Variants in PLEKHA6 observed in about 807,000 individuals in gnomAD.
PLEKHA6 encodes the protein pleckstrin homology domain-containing family A member 6.
A neutral mutation model predicts 116.7 loss-of-function variants in PLEKHA6; 60 were observed. That is an observed-to-expected ratio of 0.51 (90% CI 0.42 to 0.64). The LOEUF (loss-of-function observed/expected upper bound fraction) is 0.64, where lower values mean the gene tolerates loss of function less well. Ranked by LOEUF, PLEKHA6 falls within the 30% of genes least tolerant of loss-of-function variation. The pLI, the probability that PLEKHA6 is intolerant of heterozygous loss-of-function variation, is 0.00. For synonymous variants in PLEKHA6, 489 were observed against 556.1 expected (o/e 0.88, Z 1.70); for missense variants, 1,338 against 1,422.7 (o/e 0.94, Z 0.96).
In PLEKHA6 at chr1:204,257,414, C is replaced by A. The variant is rs756365799; in HGVS notation, c.1463G>T (p.Ser488Ile). The change falls in exon 9 of 23, where the codon AGT (serine) becomes ATT (isoleucine). Residue 488 changes from serine (S) to isoleucine (I), a missense_variant. Transcript: ENST00000272203. The surrounding 1 kb of genome is among the most constrained non-coding windows in gnomAD (Gnocchi z 6.5). ...SARFERLPPR[S>I]EDIYADPAAY... ...AGCAGGGTCAGCATAGATGTCCTCACTGCGAGGTGGCAGCCGCTCAAAACG... is the reference window on the plus strand; with the variant it reads ...AGCAGGGTCAGCATAGATGTCCTCAATGCGAGGTGGCAGCCGCTCAAAACG... 2 of 1,564,536 alleles carry A rather than the reference C, an allele frequency of 1.3e-6. No individual in the cohort carries two copies. The highest frequency in any genetic ancestry group is 2.7e-5 in the African/African-American group (2 of 73,908).
intron 14 of PLEKHA6, 52 bp downstream of exon 14, chr1:204,245,563 A>T: frequency 9.5e-7 from 1 of 1,055,954 alleles, no homozygotes; most frequent in Non-Finnish European, 1.5e-6. Context: ...GAAATACTGG[A>T]GCACTCCTGG....
chr1:204,243,080 G>A (rs867159592), intron 15 of PLEKHA6: 1 of 399,202 alleles, frequency 2.5e-6, no homozygotes, highest in Middle Eastern at 6.3e-4. Context: ...ATTGTCCCCT[G>A]CCCCACCCTC....
intron 17 of PLEKHA6, among the ~76,000 whole-genome samples, chr1:204,234,984 ATATATATATATATATATATATATATATAT>A (rs1558031206): frequency 0.032 from 610 of 18,930 alleles, 35 homozygotes; most frequent in African/African-American, 0.17. Flanking sequence ...ATATATATAT[ATATATATATATATATATATATATATATAT>A]CTAATAGCAG....
intron 5 of PLEKHA6, among the ~76,000 whole-genome samples, chr1:204,267,198 C>T (rs958838369): frequency 1.3e-5 from 2 of 152,200 alleles, no homozygotes; most frequent in Non-Finnish European, 2.9e-5. Flanking sequence ...AGGACTTCAC[C>T]AGCCATATGA....
chr1:204,228,464 C>G lies in PLEKHA6; in HGVS notation c.2886-236G>C, dbSNP rs1044122333. Among the ~76,000 whole-genome samples the G allele has an allele frequency of 6.6e-6, 1 of 151,954 alleles. No individual in the cohort carries two copies. The highest frequency in any genetic ancestry group is 2.4e-5 in the African/African-American group (1 of 41,354). On this transcript the variant is annotated intron_variant, in intron 20 of 22. Coordinates refer to ENST00000272203, the MANE Select transcript of PLEKHA6 (RefSeq NM_014935.5). This position sits in a 1 kb window ranked among gnomAD's most constrained non-coding sequence, Gnocchi z 4.0. ...GGTTCAAGTGAGCATTTAGGGCAGC[C>G]TTGAAGGGGAAAAGAAGTCACCAGA...
intron 1 of PLEKHA6, among the ~76,000 whole-genome samples, chr1:204,290,477 A>C (rs1450122396): frequency 6.6e-6 from 1 of 152,240 alleles, no homozygotes; most frequent in Non-Finnish European, 1.5e-5. Flanking sequence ...ATGAAAACAA[A>C]CAAACAAACA....
At chr1:204,282,238 C>A (rs1268836716) in intron 1 of PLEKHA6, among the ~76,000 whole-genome samples, 1 of 152,142 alleles carries the variant, frequency 6.6e-6, no homozygotes, top group East Asian at 1.9e-4. Context: ...TGTGTGCACG[C>A]ACGTGTGTGT....
intron 1 of PLEKHA6, chr1:204,276,957 G>A (rs901188561): frequency 3.9e-5 from 6 of 152,620 alleles, no homozygotes; most frequent in African/African-American, 1.4e-4. Context: ...AGCTTGCTCT[G>A]ACTTGACTTG....
chr1:204,288,105 C>T (rs1482300785), intron 1 of PLEKHA6, among the ~76,000 whole-genome samples: 1 of 152,174 alleles, frequency 6.6e-6, no homozygotes, highest in South Asian at 2.1e-4. Context: ...ACTTACTCAC[C>T]GGCTCTTCTT....
rs1452823699 is a variant in PLEKHA6 at position 204,257,094 on chromosome 1, A to T, written c.1524+259T>A. Among the ~76,000 whole-genome samples the T allele has an allele frequency of 6.6e-6, 1 of 152,212 alleles. No homozygotes were observed. Among genetic ancestry groups the T allele is most frequent in the Non-Finnish European group, 1.5e-5 (1 of 68,042 alleles). ...CCTCTCTGCCCTCTTATATGACGGC[A>T]TGGTATCTGGCACAACTTGGGGGCA... On this transcript the variant is annotated intron_variant, in intron 9 of 22. Transcript: ENST00000272203. This position sits in a 1 kb window ranked among gnomAD's most constrained non-coding sequence, Gnocchi z 6.5.
At position 204,230,364 on chromosome 1, in the gene PLEKHA6, T is replaced by C. The variant is rs368748405; in HGVS notation, c.2583+49A>G. On this transcript the variant is annotated intron_variant, in intron 18 of 22. Coordinates refer to ENST00000272203, the MANE Select transcript of PLEKHA6 (RefSeq NM_014935.5). ...CTGGCCATGCCCTGGGAGTGGGCAGTGTTGGCAGATGCCAGGCTCACGCCT... is the reference window on the plus strand; with the variant it reads ...CTGGCCATGCCCTGGGAGTGGGCAGCGTTGGCAGATGCCAGGCTCACGCCT... 1.3e-4 allele frequency: 187 copies of C among 1,444,478 alleles called. No homozygotes were observed. The African/African-American group carries it at 2.4e-3, about 19-fold the overall frequency. 89.5% of individuals were successfully genotyped at this position (1,444,478 alleles called of 1,614,324 possible).
At chr1:204,339,713 T>C (rs2103308638) in intron 1 of PLEKHA6, among the ~76,000 whole-genome samples, 1 of 152,348 alleles carries the variant, frequency 6.6e-6, no homozygotes, top group East Asian at 1.9e-4. Flanking sequence ...ACAACCCAAA[T>C]TCTCAGTAAT....
At chr1:204,232,922 C>T (rs1661399145) in intron 17 of PLEKHA6, among the ~76,000 whole-genome samples, 1 of 152,058 alleles carries the variant, frequency 6.6e-6, no homozygotes. Context: ...TCCAATTTCT[C>T]CTTGTTGGGA....
At chr1:204,327,056 TCCC>T in intron 1 of PLEKHA6, 1 of 962,178 alleles carries the variant, frequency 1.0e-6, no homozygotes, top group Non-Finnish European at 1.2e-6. Context: ...TCTCTCTCCA[TCCC>T]CTCCTCCTCC....
At chr1:204,267,232 G>A (rs4951339) in intron 5 of PLEKHA6, among the ~76,000 whole-genome samples, 97,527 of 152,106 alleles carry the variant, frequency 0.64, 31,948 homozygotes, top group East Asian at 0.82. Context: ...CCAGTGTATC[G>A]CTGGAACTCT....
chr1:204,236,443 G>A (rs1405074405), intron 17 of PLEKHA6, among the ~76,000 whole-genome samples: 1 of 152,194 alleles, frequency 6.6e-6, no homozygotes, highest in Non-Finnish European at 1.5e-5. Context: ...CCAAGGCATT[G>A]TGAAACAGAT....
chr1:204,350,190 A>G (rs11240726), intron 1 of PLEKHA6, among the ~76,000 whole-genome samples: 103,446 of 152,062 alleles, frequency 0.68, 35,456 homozygotes, highest in East Asian at 0.82. Context: ...GCACAGTGGC[A>G]AGCACGTGTA....
rs1659711087 is a variant in PLEKHA6, at chr1:204,222,118, A to C, written c.*670T>G. ...ACACTGCACAGACCTGCTGTTCTCT[A>C]GCCACAGCCAGCACTGTTCCCTCTG... On this transcript the variant is annotated 3_prime_UTR_variant, in exon 23 of 23. Coordinates refer to ENST00000272203, the MANE Select transcript of PLEKHA6 (RefSeq NM_014935.5). The C allele has an allele frequency of 6.7e-6, 1 of 149,278 alleles. No homozygotes were observed. The highest frequency in any genetic ancestry group is 2.5e-5 in the African/African-American group (1 of 39,942). The allele number at this position is 149,278 out of a possible 1,614,324, so 9.2% of individuals were successfully genotyped here.
intron 1 of PLEKHA6, among the ~76,000 whole-genome samples, chr1:204,284,245 A>G (rs1572060474): frequency 6.6e-6 from 1 of 152,204 alleles, no homozygotes; most frequent in Non-Finnish European, 1.5e-5. Context: ...GCTGGAGGGT[A>G]GCACAGCAAG....
Sources: allele counts gnomAD v4.1 joint callset (sites outside exome capture counted in the v4.1 genomes callset), GRCh38; gene constraint gnomAD v4.1.1; non-coding constraint Gnocchi (gnomAD v3.1); transcripts MANE v1.5; gene names NCBI Gene and HGNC (gene_info 2026-07-23, HGNC 2026-07-21).